The following JAKMIP3 variants were observed in gnomAD, a reference collection of about 807,000 sequenced individuals.
JAKMIP3 encodes Janus kinase and microtubule interacting protein 3.
JAKMIP3 carries 58 observed loss-of-function variants against 118.5 expected under a neutral mutation model. The observed-to-expected ratio is 0.49, with a 90% confidence interval of 0.40 to 0.61. The LOEUF (loss-of-function observed/expected upper bound fraction) is 0.61. JAKMIP3 is among the 20% of genes least tolerant of loss of function. JAKMIP3 has a pLI of 0.00. For synonymous variants in JAKMIP3, 486 were observed against 451.2 expected (o/e 1.08, Z -0.98); for missense variants, 950 against 1,109.0 (o/e 0.86, Z 2.04).
At chr10:132,155,844 C>A (rs1485806807) in intron 19 of JAKMIP3, among the ~76,000 whole-genome samples, 2 of 152,172 alleles carry the variant, frequency 1.3e-5, no homozygotes, top group Non-Finnish European at 2.9e-5. Context: ...GTACTGAGAG[C>A]CAGCCCCGGG....
upstream of JAKMIP3, among the ~76,000 whole-genome samples, chr10:132,064,278 A>G (rs1251691457): frequency 1.3e-5 from 2 of 152,222 alleles, no homozygotes; most frequent in Non-Finnish European, 2.9e-5. This position sits in a 1 kb window ranked among gnomAD's most constrained non-coding sequence, Gnocchi z 4.4. Context: ...TATTTGGACT[A>G]AAGTCAAATC....
intron 19 of JAKMIP3, among the ~76,000 whole-genome samples, chr10:132,155,238 G>A (rs996789133): frequency 1.3e-5 from 2 of 151,878 alleles, no homozygotes; most frequent in African/African-American, 4.8e-5. Context: ...GATGGTGGTG[G>A]TGGTGATGAG....
chr10:132,131,053 G>A (rs1253616495), intron 3 of JAKMIP3, among the ~76,000 whole-genome samples: 1 of 151,994 alleles, frequency 6.6e-6, no homozygotes, highest in Non-Finnish European at 1.5e-5. Context: ...CTCAGCGTCG[G>A]CCTGCACACC....
At chr10:132,072,521 C>CA (rs1463088886) in intron 1 of JAKMIP3, among the ~76,000 whole-genome samples, 3 of 152,076 alleles carry the variant, frequency 2.0e-5, no homozygotes, top group African/African-American at 7.2e-5. Flanking sequence ...GGGGACAGAT[C>CA]AACAGCCTGT....
rs34371364 is a variant in JAKMIP3 at position 132,171,652 on chromosome 10, C to CTTT, written c.*1103+2635_*1103+2637dup. Among the ~76,000 whole-genome samples the CTTT allele has an allele frequency of 8.8e-3, 1,189 of 135,686 alleles. 19 individuals carry two copies. The highest frequency in any genetic ancestry group is 0.03 in the African/African-American group (1,075 of 36,006). The allele number at this position is 135,686 out of a possible 152,430, so 89.0% of individuals were successfully genotyped here. A position where few individuals can be genotyped will look rare whatever the true frequency, so the allele number is the denominator to read the frequency against. On this transcript the variant is annotated intron_variant, in intron 23 of 23. Coordinates refer to ENST00000684848, the MANE Select transcript of JAKMIP3 (RefSeq NM_001323087.2). ...ATGTCCCTGTCTTATTTTTTTCTTT[C>CTTT]TTTTTTTTTTTTTTTTTTGAGACAG...
chr10:132,150,333 G>A (rs1265127951), intron 16 of JAKMIP3, among the ~76,000 whole-genome samples: 1 of 152,142 alleles, frequency 6.6e-6, no homozygotes, highest in Non-Finnish European at 1.5e-5. Context: ...TGAGGATAGG[G>A]GGCTGTTGCT....
intron 2 of JAKMIP3, among the ~76,000 whole-genome samples, chr10:132,111,911 T>TG: frequency 6.6e-6 from 1 of 151,430 alleles, no homozygotes; most frequent in South Asian, 2.1e-4. Flanking sequence ...GTGGCAGCCG[T>TG]GGAGGGGCAT....
At chr10:132,156,474 A>G (rs1293770646) in intron 19 of JAKMIP3, among the ~76,000 whole-genome samples, 1 of 152,186 alleles carries the variant, frequency 6.6e-6, no homozygotes, top group East Asian at 1.9e-4. Context: ...CCACCACAGC[A>G]GGCCGGGAGA....
rs887614390 is a variant in JAKMIP3, at chr10:132,184,431, T to C, written c.*3178T>C. 2.0e-5 allele frequency: 3 copies of C among 152,270 alleles called. No homozygotes were observed. Among genetic ancestry groups the C allele is most frequent in the Admixed American group, 1.3e-4 (2 of 15,288 alleles). The allele number at this position is 152,270 out of a possible 1,614,324, so 9.4% of individuals were successfully genotyped here. The stretch of plus-strand genomic sequence containing the variant: ...AAACCCTGAGAGAGAGTGTGTGTTT[T>C]ATCACAGTAATGGAATTCAGTTTAG... On this transcript the variant is annotated 3_prime_UTR_variant, in exon 24 of 24. Transcript: ENST00000684848.
Position 132,133,471 on chromosome 10 carries a change from C to A in JAKMIP3, c.793C>A (p.Arg265=). ...CGACCGGCACCCGGGCAGCCCCAGA[C>A]GGGAACTTCCTCATGCAGCTGGTGC... The part of the protein sequence containing the change: ...EADRHPGSPR[R]ELPHAAGAGD... The change falls in exon 4 of 24, where the codon CGG becomes AGG. Residue 265 remains arginine (R), a synonymous_variant. Transcript: ENST00000684848. The A allele has an allele frequency of 6.3e-7, 1 of 1,583,308 alleles. No homozygotes were observed.
intron 20 of JAKMIP3, 137 bp from the exon 21 acceptor site, chr10:132,164,533 C>T (rs2058699267): frequency 4.6e-6 from 3 of 647,294 alleles, no homozygotes; most frequent in East Asian, 5.4e-5. Flanking sequence ...CTTGTGTCCT[C>T]GTCAGGAGCC....
intron 23 of JAKMIP3, among the ~76,000 whole-genome samples, chr10:132,181,745 C>T (rs916767717): frequency 5.3e-5 from 8 of 152,208 alleles, no homozygotes; most frequent in Non-Finnish European, 8.8e-5. Context: ...GCTCTTCAGA[C>T]CTCTCCTAGA....
intron 14 of JAKMIP3, among the ~76,000 whole-genome samples, chr10:132,149,117 C>CT (rs761286965): frequency 1.4e-4 from 21 of 152,236 alleles, no homozygotes; most frequent in Middle Eastern, 3.4e-3. Flanking sequence ...CTGGGATTCA[C>CT]TGAGGGATGT....
At chr10:132,134,858 C>T (rs578225898) in intron 4 of JAKMIP3, among the ~76,000 whole-genome samples, 183 bp from the exon 5 acceptor site, 23 of 152,350 alleles carry the variant, frequency 1.5e-4, no homozygotes, top group South Asian at 6.2e-4. Flanking sequence ...CACGCGGTTG[C>T]GGCAACCACA....
chr10:132,129,723 C>G (rs2050220225), intron 3 of JAKMIP3, among the ~76,000 whole-genome samples: 1 of 152,096 alleles, frequency 6.6e-6, no homozygotes, highest in Non-Finnish European at 1.5e-5. Flanking sequence ...TGTCCGGGGC[C>G]CTGTGCTGAC....
intron 16 of JAKMIP3, among the ~76,000 whole-genome samples, chr10:132,150,862 A>G (rs1238586454): frequency 6.6e-6 from 1 of 151,784 alleles, no homozygotes; most frequent in African/African-American, 2.4e-5. Context: ...TAATCCATCT[A>G]TCCATCCTTC....
intron 1 of JAKMIP3, among the ~76,000 whole-genome samples, chr10:132,076,777 G>C (rs929185461): frequency 1.3e-5 from 2 of 150,708 alleles, no homozygotes; most frequent in African/African-American, 4.9e-5. Context: ...GTGGCCCCGG[G>C]TCTGACTGAG....
At chr10:132,142,123 A>C (rs150681485) in intron 11 of JAKMIP3, 75 bp downstream of exon 11, 4 of 1,451,852 alleles carry the variant, frequency 2.8e-6, no homozygotes, top group African/African-American at 1.4e-5. Context: ...GGGCTGGGAC[A>C]CCCCCCTCAC....
rs375855216 is a variant in JAKMIP3, at chr10:132,152,907, C to T, written c.2008-51C>T. ...CCCATGCATCCATCACTCACCCTCA[C>T]CCCCAAAGGCACTGCTTCTGACCGC... On this transcript the variant is annotated intron_variant, in intron 16 of 23. Transcript: ENST00000684848. The T allele has an allele frequency of 2.2e-5, 31 of 1,441,668 alleles. 1 individual carries two copies. The Middle Eastern group carries it at 6.9e-4, about 32-fold the overall frequency. The allele number at this position is 1,441,668 out of a possible 1,614,324, so 89.3% of individuals were successfully genotyped here.
Sources: allele counts gnomAD v4.1 joint callset (sites outside exome capture counted in the v4.1 genomes callset), GRCh38; gene constraint gnomAD v4.1.1; non-coding constraint Gnocchi (gnomAD v3.1); transcripts MANE v1.5; gene names NCBI Gene and HGNC (gene_info 2026-07-23, HGNC 2026-07-21).